The following COL20A1 variants were observed in gnomAD, a reference collection of about 807,000 sequenced individuals.
COL20A1 encodes collagen type XX alpha 1 chain, also known as collagen alpha-1(XX) chain.
A neutral mutation model predicts 152.9 loss-of-function variants in COL20A1; 164 were observed. The ratio of observed to expected loss-of-function variants is 1.07; its 90% CI spans 0.94 to 1.22. The LOEUF is 1.22. Ranked by LOEUF, COL20A1 falls within the 50% of genes most tolerant of loss-of-function variation. The pLI is 0.00. For synonymous variants in COL20A1, 864 were observed against 756.0 expected (o/e 1.14, Z -2.34); for missense variants, 1,873 against 1,744.8 (o/e 1.07, Z -1.31).
At chr20:63,329,736 G>C in intron 35 of COL20A1, 75 bp downstream of exon 35, 4 of 1,049,890 alleles carry the variant, frequency 3.8e-6, no homozygotes, top group South Asian at 3.2e-5. Flanking sequence ...AGGGGCCAAC[G>C]GGTGGGGCCT....
chr20:63,327,774 C>G (rs2068273206), intron 31 of COL20A1, 178 bp from the exon 32 acceptor site: 1 of 634,882 alleles, frequency 1.6e-6, no homozygotes, highest in Non-Finnish European at 2.8e-6. Flanking sequence ...TGCCTGCTCT[C>G]GGGTGCAGGC....
intron 2 of COL20A1, 86 bp from the exon 3 acceptor site, chr20:63,297,824 T>C: frequency 7.8e-6 from 8 of 1,027,358 alleles, no homozygotes; most frequent in Non-Finnish European, 8.9e-6. Context: ...TCCCAAATGC[T>C]GAGGGCAGGA....
At position 63,318,911 on chromosome 20, in the gene COL20A1, G is replaced by A. The variant is rs2068119049; in HGVS notation, c.2664-147G>A. ...TCCACGCTCAGTCTACAGCTGGGAA[G>A]GGTGTGCGGGTGCAGGGGTCCACCA... On this transcript the variant is annotated intron_variant, in intron 21 of 35. Coordinates refer to ENST00000358894, the MANE Select transcript of COL20A1 (RefSeq NM_020882.4). The A allele has an allele frequency of 2.3e-5, 15 of 647,082 alleles. No individual in the cohort carries two copies. The East Asian group carries it at 3.8e-4, about 17-fold the overall frequency. 40.1% of individuals were successfully genotyped at this position (647,082 alleles called of 1,614,324 possible). A position where few individuals can be genotyped will look rare whatever the true frequency, so the allele number is the denominator to read the frequency against.
intron 21 of COL20A1, among the ~76,000 whole-genome samples, chr20:63,317,639 G>A (rs554195844): frequency 3.9e-5 from 6 of 151,980 alleles, no homozygotes; most frequent in Non-Finnish European, 8.8e-5. Context: ...TGCTATGCTC[G>A]GCCCTGGCCC....
Position 63,319,674 on chromosome 20 carries a change from G to A in COL20A1, c.2916+78G>A, listed in dbSNP as rs2068133189. The stretch of plus-strand genomic sequence containing the variant: ...CCAGCCCCACAGGGACCTGCCGGAT[G>A]CCAACTCCTCTCCCTAGGAGAGCAG... On this transcript the variant is annotated intron_variant, in intron 23 of 35. Coordinates refer to ENST00000358894, the MANE Select transcript of COL20A1 (RefSeq NM_020882.4). This position sits in a 1 kb window ranked among gnomAD's most constrained non-coding sequence, Gnocchi z 4.4. 4 of 958,922 alleles carry A rather than the reference G, an allele frequency of 4.2e-6. No individual in the cohort carries two copies. In the South Asian group the frequency reaches 4.4e-5, roughly 10 times the overall value. 59.4% of individuals were successfully genotyped at this position (958,922 alleles called of 1,614,324 possible). A position where few individuals can be genotyped will look rare whatever the true frequency, so the allele number is the denominator to read the frequency against.
rs1212386590 is a variant in COL20A1 at position 63,333,053 on chromosome 20, G to C, written c.*2337G>C. On this transcript the variant is annotated 3_prime_UTR_variant, in exon 36 of 36. Transcript: ENST00000358894. Reference sequence around the variant, plus strand: ...AGGAGCCCCCAGGGACTGAGCCGGGGCTCACGCTCCTGGCCAGAGCGCTGG... The same window carrying C: ...AGGAGCCCCCAGGGACTGAGCCGGGCCTCACGCTCCTGGCCAGAGCGCTGG... 6.6e-6 allele frequency: 1 copy of C among 152,204 alleles called. No homozygotes were observed. Among genetic ancestry groups the C allele is most frequent in the Non-Finnish European group, 1.5e-5 (1 of 68,052 alleles). The allele number at this position is 152,204 out of a possible 1,614,324, so 9.4% of individuals were successfully genotyped here.
At chr20:63,325,778 G>A (rs1460370840) in intron 29 of COL20A1, 57 bp downstream of exon 29, 78 of 1,498,520 alleles carry the variant, frequency 5.2e-5, no homozygotes, top group Non-Finnish European at 6.6e-5. Context: ...GCCTGGGGAC[G>A]GGGGGCCTTG....
At chr20:63,301,842 A>T (rs1007451957) in intron 3 of COL20A1, among the ~76,000 whole-genome samples, 1 of 152,210 alleles carries the variant, frequency 6.6e-6, no homozygotes, top group Non-Finnish European at 1.5e-5. Context: ...GTTTTCACCC[A>T]GTGTGACAGT....
At chr20:63,324,716 C>A (rs77410289) in intron 27 of COL20A1, 1 of 152,984 alleles carries the variant, frequency 6.5e-6, no homozygotes, top group Non-Finnish European at 1.5e-5. Flanking sequence ...TTTTGGATTT[C>A]GCACTGATGC....
intron 2 of COL20A1, among the ~76,000 whole-genome samples, chr20:63,297,336 AG>A (rs1568761751): frequency 1.3e-5 from 2 of 150,722 alleles, no homozygotes; most frequent in Non-Finnish European, 3.0e-5. Context: ...GACTTAGCTC[AG>A]GGGACCCAGC....
rs1404057921 is a variant in COL20A1 at position 63,306,179 on chromosome 20, C to T, written c.496+140C>T. On this transcript the variant is annotated intron_variant, in intron 5 of 35. Transcript: ENST00000358894. The surrounding 1 kb of genome is among the most constrained non-coding windows in gnomAD (Gnocchi z 6.9). ...ACCACGAGGCCAGGAAGTTCTTCCT[C>T]GTGTCTGACCACACGGTCTCTGACC... is the stretch of plus-strand genomic sequence containing the variant. 1.5e-5 allele frequency: 10 copies of T among 657,442 alleles called. No homozygotes were observed. In the East Asian group the frequency reaches 1.7e-4, roughly 11 times the overall value. The allele number at this position is 657,442 out of a possible 1,614,324, so 40.7% of individuals were successfully genotyped here.
At chr20:63,301,933 C>T (rs960953087) in intron 3 of COL20A1, among the ~76,000 whole-genome samples, 2 of 152,066 alleles carry the variant, frequency 1.3e-5, no homozygotes, top group African/African-American at 4.8e-5. Flanking sequence ...CTATAATCTT[C>T]CCTTTTTATT....
rs921240124 is a variant in COL20A1 at position 63,315,451 on chromosome 20, A to C, written c.2524+12A>C. On this transcript the variant is annotated intron_variant, in intron 20 of 35. Transcript: ENST00000358894. ...CGGCTCCCTCCCAGGTGGGTCCTGC[A>C]TGCCCTCCCCTGCCTGCCCACCCAC... The C allele has an allele frequency of 5.7e-6, 9 of 1,565,744 alleles. No homozygotes were observed. The highest frequency in any genetic ancestry group is 3.6e-5 in the Admixed American group (2 of 54,812).
intron 8 of COL20A1, among the ~76,000 whole-genome samples, 173 bp downstream of exon 8, chr20:63,308,879 C>T (rs751344457): frequency 5.9e-5 from 9 of 152,204 alleles, no homozygotes; most frequent in African/African-American, 1.2e-4. Context: ...ATGGCACAGG[C>T]GGGCTGCTCC....
chr20:63,311,278 C>G lies in COL20A1; in HGVS notation c.1394-116C>G. 8.5e-7 allele frequency: 1 copy of G among 1,173,012 alleles called. No individual in the cohort carries two copies. The highest frequency in any genetic ancestry group is 1.2e-6 in the Non-Finnish European group (1 of 855,526). 72.7% of individuals were successfully genotyped at this position (1,173,012 alleles called of 1,614,324 possible). On this transcript the variant is annotated intron_variant, in intron 11 of 35. Coordinates refer to ENST00000358894, the MANE Select transcript of COL20A1 (RefSeq NM_020882.4). This position sits in a 1 kb window ranked among gnomAD's most constrained non-coding sequence, Gnocchi z 4.4. ...AAGCCTGGGAAGTGCCACTTTGAATCCTGTGCACCTGCCAGGCGGTGGCCG... is the reference window on the plus strand; with the variant it reads ...AAGCCTGGGAAGTGCCACTTTGAATGCTGTGCACCTGCCAGGCGGTGGCCG...
intron 5 of COL20A1, among the ~76,000 whole-genome samples, chr20:63,307,028 C>T (rs566952591): frequency 3.3e-5 from 5 of 152,322 alleles, no homozygotes; most frequent in South Asian, 2.1e-4. Flanking sequence ...GGCATCTCCC[C>T]GGGGGTCTGG....
chr20:63,309,917 T>C lies in COL20A1; in HGVS notation c.1263+2T>C. On this transcript the variant is annotated splice_donor_variant, in intron 10 of 35. Transcript: ENST00000358894. LOFTEE classifies it high-confidence loss of function. ...TCTAGAGGTGGCACCCCCAGGGAGG[T>C]GAGGGGGCCGGTATACAGGGCTCCC... 1 of 1,590,682 alleles carries C rather than the reference T, an allele frequency of 6.3e-7. No homozygotes were observed. The highest frequency in any genetic ancestry group is 1.1e-5 in the South Asian group (1 of 87,312).
intron 9 of COL20A1, 23 bp downstream of exon 9, chr20:63,309,520 C>G (rs971163035): frequency 2.0e-6 from 3 of 1,480,916 alleles, no homozygotes; most frequent in African/African-American, 2.8e-5. Context: ...GTCACCCGCA[C>G]AGGCTGCAGC....
chr20:63,303,780 C>A (rs1334888135), intron 3 of COL20A1, among the ~76,000 whole-genome samples: 1 of 152,150 alleles, frequency 6.6e-6, no homozygotes, highest in Non-Finnish European at 1.5e-5. Context: ...TCCAGGTGTG[C>A]AGGTGTGGGT....
Sources: gnomAD v4.1 joint callset for allele counts (sites outside exome capture counted in the v4.1 genomes callset) on GRCh38, gnomAD v4.1.1 for gene constraint, Gnocchi (gnomAD v3.1) non-coding constraint, MANE v1.5 for transcripts, NCBI Gene and HGNC (gene_info 2026-07-23, HGNC 2026-07-21) for gene names.